Variants in RPL13A observed in about 807,000 individuals in gnomAD.
The protein encoded by RPL13A is large ribosomal subunit protein uL13.
A neutral mutation model predicts 30.8 loss-of-function variants in RPL13A; 4 were observed. The observed-to-expected ratio is 0.13, with a 90% confidence interval of 0.06 to 0.30. The LOEUF is 0.30. Among genes scored for constraint, RPL13A ranks in the 10% least tolerant of loss-of-function variants. The pLI is 1.00. For synonymous variants in RPL13A, 108 were observed against 104.2 expected, an observed-to-expected ratio of 1.04 and a Z score of -0.22; for missense variants, 196 against 272.6, an observed-to-expected ratio of 0.72 and a Z score of 1.98.
intron 1 of RPL13A, among the ~76,000 whole-genome samples, chr19:49,488,985 C>T (rs2079837303): frequency 1.3e-5 from 2 of 152,220 alleles, no homozygotes; most frequent in South Asian, 2.1e-4. Flanking sequence ...GGATTACAGG[C>T]GTGAGCCCCT....
intron 1 of RPL13A, among the ~76,000 whole-genome samples, chr19:49,488,489 A>G (rs578111837): frequency 1.3e-5 from 2 of 152,264 alleles, no homozygotes; most frequent in South Asian, 2.1e-4. Context: ...CACAGTTCGC[A>G]ATGTTTTGCG....
intron 1 of RPL13A, 57 bp from the exon 2 acceptor site, chr19:49,489,793 T>G (rs1173617665): frequency 1.5e-5 from 20 of 1,347,778 alleles, no homozygotes; most frequent in Non-Finnish European, 2.1e-5. Flanking sequence ...TGCTTGCTTG[T>G]GAGGACAATC....
chr19:49,487,659 CG>C lies in RPL13A; in HGVS notation c.15+18del. On this transcript the variant is annotated intron_variant, in intron 1 of 7. Coordinates refer to ENST00000391857, the MANE Select transcript of RPL13A (RefSeq NM_012423.4). ...CGGAGGTGCAGGTATGGGCTCCGCG[CG>C]GGCCGGGGCGGCAAGGGGCCGGGTG... 1 of 1,528,086 alleles carries C rather than the reference CG, an allele frequency of 6.5e-7. No homozygotes were observed. The highest frequency in any genetic ancestry group is 1.4e-5 in the African/African-American group (1 of 70,394). The allele number at this position is 1,528,086 out of a possible 1,614,324, so 94.7% of individuals were successfully genotyped here.
rs914226711 is a variant in RPL13A at position 49,492,045 on chromosome 19, G to C, written c.*230G>C. The C allele has an allele frequency of 2.0e-6, 1 of 502,940 alleles. No individual in the cohort carries two copies. The highest frequency in any genetic ancestry group is 3.6e-6 in the Non-Finnish European group (1 of 277,850). The allele number at this position is 502,940 out of a possible 1,614,324, so 31.2% of individuals were successfully genotyped here. ...CTATGACCAATAGGAAGAGCAACCA[G>C]TTACTATGAGTGAAAGGGAGCCAGA... On this transcript the variant is annotated 3_prime_UTR_variant, in exon 8 of 8. Transcript: ENST00000391857.
chr19:49,489,799 C>T (rs1435723407), intron 1 of RPL13A, 51 bp from the exon 2 acceptor site: 2 of 1,402,218 alleles, frequency 1.4e-6, no homozygotes, highest in African/African-American at 1.4e-5. Flanking sequence ...CTTGTGAGGA[C>T]AATCAAAGGC....
chr19:49,491,591 A>G, intron 7 of RPL13A, 44 bp downstream of exon 7: 2 of 1,555,598 alleles, frequency 1.3e-6, no homozygotes, highest in Non-Finnish European at 8.7e-7. Flanking sequence ...TCACTCCTGG[A>G]CAGGCCTGGC....
Position 49,490,635 on chromosome 19 carries a change from C to A in RPL13A, c.256+59C>A, listed in dbSNP as rs770218524. Reference sequence around the variant, plus strand: ...GGCAGGCGGCCGGTGATGAGAACTTCTCCCACTCACATTCGAGTTTCCCGA... The same window carrying A: ...GGCAGGCGGCCGGTGATGAGAACTTATCCCACTCACATTCGAGTTTCCCGA... On this transcript the variant is annotated intron_variant, in intron 4 of 7. Transcript: ENST00000391857. 6.3e-6 allele frequency: 10 copies of A among 1,585,324 alleles called. No individual in the cohort carries two copies. In the South Asian group the frequency reaches 1.1e-4, roughly 18 times the overall value.
At chr19:49,489,224 A>G (rs1009263846) in intron 1 of RPL13A, among the ~76,000 whole-genome samples, 2 of 152,296 alleles carry the variant, frequency 1.3e-5, no homozygotes, top group South Asian at 4.1e-4. Context: ...GATTGGCCAC[A>G]GTGGCTCAAG....
In RPL13A at chr19:49,491,785, G is replaced by C; in HGVS notation, c.582G>C (p.Glu194Asp). The C allele has an allele frequency of 6.2e-7, 1 of 1,612,372 alleles. No individual in the cohort carries two copies. The highest frequency in any genetic ancestry group is 8.5e-7 in the Non-Finnish European group (1 of 1,179,478). Residue 194 changes from glutamate (E) to aspartate (D), a missense_variant, in exon 8 of 8, where the codon GAG becomes GAC. Glu to Asp is a conservative substitution (Grantham distance 45). Coordinates refer to ENST00000391857, the MANE Select transcript of RPL13A (RefSeq NM_012423.4). ...AGAAGAAAATTGACAAATACACAGA[G>C]GTCCTCAAGACCCACGGACTCCTGG... Reference protein sequence around the residue: ...NVEKKIDKYTEVLKTHGLLV With the variant: ...NVEKKIDKYTDVLKTHGLLV
Position 49,492,259 on chromosome 19 carries a change from A to G in RPL13A, c.*444A>G, listed in dbSNP as rs1035522648. 1.2e-5 allele frequency: 2 copies of G among 161,964 alleles called. No individual in the cohort carries two copies. Among genetic ancestry groups the G allele is most frequent in the Non-Finnish European group, 2.7e-5 (2 of 73,590 alleles). The allele number at this position is 161,964 out of a possible 1,614,324, so 10.0% of individuals were successfully genotyped here. A position where few individuals can be genotyped will look rare whatever the true frequency, so the allele number is the denominator to read the frequency against. On this transcript the variant is annotated 3_prime_UTR_variant, in exon 8 of 8. Transcript: ENST00000391857. ...AACCAAGGGGTTACAGGCATCGCCCATGCTCCTCACCTGTATTTTGTAATC... is the reference window on the plus strand; with the variant it reads ...AACCAAGGGGTTACAGGCATCGCCCGTGCTCCTCACCTGTATTTTGTAATC...
intron 2 of RPL13A, 143 bp downstream of exon 2, chr19:49,490,065 A>G (rs752004347): frequency 7.0e-6 from 7 of 1,006,640 alleles, no homozygotes; most frequent in Admixed American, 1.7e-5. Flanking sequence ...ACTCTTCCCC[A>G]GGGTTGGGGA....
At chr19:49,491,009 G>C (rs369730736) in intron 5 of RPL13A, 31 bp from the exon 6 acceptor site, 5 of 1,613,930 alleles carry the variant, frequency 3.1e-6, no homozygotes, top group Non-Finnish European at 4.2e-6. Context: ...TGTCCCTCCC[G>C]GGCTCTTAAG....
intron 2 of RPL13A, 43 bp from the exon 3 acceptor site, chr19:49,490,189 C>T (rs374612224): frequency 5.7e-6 from 9 of 1,589,648 alleles, no homozygotes; most frequent in African/African-American, 4.0e-5. Flanking sequence ...AGTGGTGGGA[C>T]CCTCAGGCGG....
At chr19:49,488,356 T>A (rs2122612943) in intron 1 of RPL13A, among the ~76,000 whole-genome samples, 1 of 152,256 alleles carries the variant, frequency 6.6e-6, no homozygotes, top group South Asian at 2.1e-4. Context: ...TACTTAAGTA[T>A]AAAGGAGGGA....
At chr19:49,490,098 T>G in intron 2 of RPL13A, 134 bp from the exon 3 acceptor site, 1 of 1,048,882 alleles carries the variant, frequency 9.5e-7, no homozygotes, top group Non-Finnish European at 1.5e-6. Flanking sequence ...GAAGTAATTA[T>G]GTATTAGGCT....
chr19:49,489,758 G>T (rs2122617409), intron 1 of RPL13A, 92 bp from the exon 2 acceptor site: 1 of 1,047,656 alleles, frequency 9.5e-7, no homozygotes, highest in Non-Finnish European at 1.5e-6. Context: ...GCACGCTGTT[G>T]GCACGGTAGG....
rs777684401 is a variant in RPL13A, at chr19:49,490,568, C to T, written c.248C>T (p.Thr83Ile). 1.9e-6 allele frequency: 3 copies of T among 1,614,182 alleles called. No individual in the cohort carries two copies. Among genetic ancestry groups the T allele is most frequent in the Admixed American group, 1.7e-5 (1 of 60,028 alleles). ...GCCCCCAGCCGCATCTTCTGGCGGA[C>T]CGTGCGAGGTGAGCAGAGCGTGGGG... is the stretch of plus-strand genomic sequence containing the variant. ...FRAPSRIFWR[T>I]VRGMLPHKTK... The change falls in exon 4 of 8, where the codon ACC becomes ATC. Residue 83 changes from threonine (T) to isoleucine (I), a missense_variant. Thr to Ile is a moderately conservative substitution (Grantham distance 89). Transcript: ENST00000391857.
At chr19:49,488,343 A>G (rs1461849030) in intron 1 of RPL13A, among the ~76,000 whole-genome samples, 1 of 152,136 alleles carries the variant, frequency 6.6e-6, no homozygotes, top group Admixed American at 6.6e-5. Flanking sequence ...CTCCTGGTGT[A>G]GCTACTTAAG....
At chr19:49,490,698 A>T (rs376215101) in intron 4 of RPL13A, 81 bp from the exon 5 acceptor site, 281 of 1,583,122 alleles carry the variant, frequency 1.8e-4, no homozygotes, top group Non-Finnish European at 2.3e-4. Context: ...ATCTGAGGCC[A>T]CCCCATGGGC....
Sources: gnomAD v4.1 joint callset for allele counts (sites outside exome capture counted in the v4.1 genomes callset) on GRCh38, gnomAD v4.1.1 for gene constraint, MANE v1.5 for transcripts, NCBI Gene and HGNC (gene_info 2026-07-23, HGNC 2026-07-21) for gene names.